Variants in ZEB1 observed in about 807,000 individuals in gnomAD.
ZEB1 encodes the protein zinc finger E-box-binding homeobox 1.
In ZEB1, 21 loss-of-function variants were observed where a neutral mutation model predicts 84.9. That is an observed-to-expected ratio of 0.25 (90% CI 0.18 to 0.36). The LOEUF is 0.36. ZEB1 is among the 10% of genes least tolerant of loss of function. The pLI, the probability that ZEB1 is intolerant of heterozygous loss-of-function variation, is 1.00. For missense variants in ZEB1, 1,104 were observed against 1,330.2 expected, an observed-to-expected ratio of 0.83 and a Z score of 2.65; for synonymous variants, 420 against 471.1, an observed-to-expected ratio of 0.89 and a Z score of 1.41.
chr10:31,484,148 T>G (rs1273364879), intron 2 of ZEB1, among the ~76,000 whole-genome samples: 2 of 152,004 alleles, frequency 1.3e-5, no homozygotes, highest in Non-Finnish European at 2.9e-5. Context: ...AGCTCGTGAT[T>G]AACTGGCCCA....
At chr10:31,401,221 T>C (rs537226777) in intron 1 of ZEB1, among the ~76,000 whole-genome samples, 9 of 152,318 alleles carry the variant, frequency 5.9e-5, no homozygotes, top group East Asian at 1.9e-4. Flanking sequence ...CAGTGACACA[T>C]TTTTAAAAAG....
At chr10:31,412,009 C>T (rs2054385990) in intron 1 of ZEB1, among the ~76,000 whole-genome samples, 1 of 152,054 alleles carries the variant, frequency 6.6e-6, no homozygotes, top group Non-Finnish European at 1.5e-5. Flanking sequence ...TATGTTTAAA[C>T]CACCTGATAT....
At chr10:31,511,543 C>T (rs1412894119) in intron 5 of ZEB1, among the ~76,000 whole-genome samples, 1 of 152,154 alleles carries the variant, frequency 6.6e-6, no homozygotes, top group Non-Finnish European at 1.5e-5. Flanking sequence ...AAGCTTTTAT[C>T]AGTTGTTCCT....
intron 1 of ZEB1, among the ~76,000 whole-genome samples, chr10:31,442,827 C>A (rs975645473): frequency 2.6e-5 from 4 of 152,156 alleles, no homozygotes; most frequent in Non-Finnish European, 5.9e-5. Context: ...CAAATGAGGA[C>A]TGATAATTGT....
intron 1 of ZEB1, among the ~76,000 whole-genome samples, chr10:31,394,909 T>A (rs944842584): frequency 3.3e-5 from 5 of 152,002 alleles, no homozygotes; most frequent in African/African-American, 9.7e-5. Flanking sequence ...AGAGAGATAT[T>A]TACAAGTTAG....
intron 1 of ZEB1, among the ~76,000 whole-genome samples, chr10:31,407,890 C>T (rs1191023228): frequency 3.4e-5 from 5 of 149,140 alleles, no homozygotes; most frequent in Admixed American, 1.3e-4. Flanking sequence ...GAAGTTCTGG[C>T]CAGGGCAATT....
chr10:31,523,045 C>G (rs2072725033), intron 7 of ZEB1, among the ~76,000 whole-genome samples: 1 of 152,198 alleles, frequency 6.6e-6, no homozygotes, highest in South Asian at 2.1e-4. Flanking sequence ...ACTTCAGCAC[C>G]AGGGCCACTC....
chr10:31,331,368 G>T (rs2036752688), intron 1 of ZEB1, among the ~76,000 whole-genome samples: 1 of 152,070 alleles, frequency 6.6e-6, no homozygotes, highest in South Asian at 2.1e-4. Flanking sequence ...TTACAGGCGT[G>T]AGCCACCACG....
At chr10:31,504,151 G>C (rs1158995000) in intron 4 of ZEB1, among the ~76,000 whole-genome samples, 1 of 152,020 alleles carries the variant, frequency 6.6e-6, no homozygotes. Flanking sequence ...TGAGAAATAG[G>C]AGTCCAGTTT....
chr10:31,470,742 ACTC>A (rs1301608108), intron 2 of ZEB1, among the ~76,000 whole-genome samples: 1 of 139,248 alleles, frequency 7.2e-6, no homozygotes, highest in African/African-American at 2.8e-5. Context: ...GAGAAGAGCA[ACTC>A]CAAGACACAT....
chr10:31,348,016 A>G (rs970838444), intron 1 of ZEB1, among the ~76,000 whole-genome samples: 29 of 152,224 alleles, frequency 1.9e-4, no homozygotes, highest in African/African-American at 7.0e-4. Flanking sequence ...TACTAGTTGT[A>G]GATATCTGGG....
At chr10:31,486,343 T>A (rs1001103624) in intron 2 of ZEB1, among the ~76,000 whole-genome samples, 2 of 151,758 alleles carry the variant, frequency 1.3e-5, no homozygotes, top group Admixed American at 1.3e-4. Flanking sequence ...CCACCAGTAA[T>A]AAATAAGAGA....
intron 4 of ZEB1, among the ~76,000 whole-genome samples, chr10:31,505,373 T>G (rs905685849): frequency 6.6e-6 from 1 of 152,120 alleles, no homozygotes; most frequent in Non-Finnish European, 1.5e-5. Context: ...GTGTTAGCTC[T>G]TCTTTGACAG....
intron 8 of ZEB1, 131 bp downstream of exon 8, chr10:31,524,244 C>G: frequency 1.0e-6 from 1 of 998,092 alleles, no homozygotes; most frequent in Admixed American, 2.7e-5. Context: ...AGGTCTGGCT[C>G]TAGTCACCCA....
chr10:31,403,024 T>C (rs2052353530), intron 1 of ZEB1, among the ~76,000 whole-genome samples: 1 of 152,144 alleles, frequency 6.6e-6, no homozygotes, highest in African/African-American at 2.4e-5. Flanking sequence ...AATAATGTTA[T>C]AGAAGTATAT....
intron 3 of ZEB1, among the ~76,000 whole-genome samples, chr10:31,500,796 C>T (rs1414508880): frequency 1.3e-5 from 2 of 152,156 alleles, no homozygotes; most frequent in South Asian, 2.1e-4. Context: ...GCTGAGGATC[C>T]GGGAGTTGAT....
At chr10:31,462,874 A>C (rs2061971570) in intron 2 of ZEB1, among the ~76,000 whole-genome samples, 1 of 152,144 alleles carries the variant, frequency 6.6e-6, no homozygotes, top group Admixed American at 6.5e-5. Flanking sequence ...TTTTGAGTTA[A>C]AGTAGTTGCC....
At chr10:31,450,080 T>G (rs1463831728) in intron 1 of ZEB1, among the ~76,000 whole-genome samples, 1 of 152,214 alleles carries the variant, frequency 6.6e-6, no homozygotes, top group Non-Finnish European at 1.5e-5. Context: ...TTGATCTAAG[T>G]CATTTAGATT....
chr10:31,356,808 C>T (rs1590232114), intron 1 of ZEB1, among the ~76,000 whole-genome samples: 1 of 152,164 alleles, frequency 6.6e-6, no homozygotes, highest in African/African-American at 2.4e-5. Context: ...TTGTGCTCAT[C>T]TAACTGAGTA....
Sources: gnomAD v4.1 joint callset for allele counts (sites outside exome capture counted in the v4.1 genomes callset) on GRCh38, gnomAD v4.1.1 for gene constraint, MANE v1.5 for transcripts, NCBI Gene and HGNC (gene_info 2026-07-23, HGNC 2026-07-21) for gene names.